NELL1: variants seen among roughly 807,000 people sequenced by gnomAD.
The protein encoded by NELL1 is neural EGFL like 1.
NELL1 carries 76 observed loss-of-function variants against 107.4 expected under a neutral mutation model. That is an observed-to-expected ratio of 0.71 (90% CI 0.59 to 0.86). NELL1 has a LOEUF of 0.86. Among genes scored for constraint, NELL1 ranks in the 40% least tolerant of loss-of-function variants. The pLI is 0.00. For missense variants in NELL1, 1,024 were observed against 1,005.5 expected, an observed-to-expected ratio of 1.02 and a Z score of -0.25; for synonymous variants, 353 against 341.2, an observed-to-expected ratio of 1.03 and a Z score of -0.38.
chr11:21,537,110 A>T (rs538509159), intron 16 of NELL1, among the ~76,000 whole-genome samples: 31 of 152,268 alleles, frequency 2.0e-4, no homozygotes, highest in African/African-American at 7.5e-4. Flanking sequence ...TTGGGAAAAC[A>T]TTTGTAAATG....
intron 12 of NELL1, among the ~76,000 whole-genome samples, chr11:20,967,030 CTGTTTTGTTTT>C (rs1319246615): frequency 2.6e-5 from 4 of 152,104 alleles, no homozygotes; most frequent in Non-Finnish European, 5.9e-5. Flanking sequence ...TCAAATAGCA[CTGTTTTGTTTT>C]TGTTTTGTTT....
intron 13 of NELL1, among the ~76,000 whole-genome samples, chr11:21,116,092 A>G (rs11025925): frequency 0.02 from 3,025 of 151,930 alleles, 82 homozygotes; most frequent in South Asian, 0.12. Context: ...TTCCATACTC[A>G]CCATTCTGCA....
intron 2 of NELL1, 137 bp from the exon 3 acceptor site, chr11:20,783,543 A>C: frequency 1.7e-6 from 1 of 598,080 alleles, no homozygotes; most frequent in Non-Finnish European, 2.8e-6. Context: ...TTCTTTGGAC[A>C]TGACATTTTT....
intron 1 of NELL1, chr11:20,674,659 G>A: frequency 5.2e-6 from 4 of 768,368 alleles, no homozygotes; most frequent in Non-Finnish European, 8.8e-6. Flanking sequence ...GTTAGTAGAG[G>A]GAAGAGACTG....
At chr11:21,328,435 A>C (rs952984011) in intron 14 of NELL1, among the ~76,000 whole-genome samples, 32 of 152,290 alleles carry the variant, frequency 2.1e-4, no homozygotes, top group African/African-American at 7.5e-4. Flanking sequence ...AAACACCTGG[A>C]TGTCCAGGCA....
In NELL1 at chr11:20,703,370, G is replaced by A. The variant is rs568169827; in HGVS notation, c.184+25310G>A. On this transcript the variant is annotated intron_variant, in intron 2 of 19. Coordinates refer to ENST00000357134, the MANE Select transcript of NELL1 (RefSeq NM_006157.5). ...TATCCCCTTTATCATTTTTTATTGC[G>A]TCTATTTGATTCTTCTCTCTTTTCT... Among the ~76,000 whole-genome samples the A allele has an allele frequency of 1.2e-3, 181 of 151,962 alleles. 3 individuals are homozygous for A. The highest frequency in any genetic ancestry group is 3.9e-3 in the African/African-American group (161 of 41,456).
intron 2 of NELL1, among the ~76,000 whole-genome samples, chr11:20,726,612 T>G (rs1272187682): frequency 2.0e-5 from 3 of 152,216 alleles, no homozygotes; most frequent in African/African-American, 7.2e-5. Flanking sequence ...TTTTTTAAAT[T>G]ATACTTTAAG....
chr11:21,469,428 G>T (rs939072887), intron 15 of NELL1, among the ~76,000 whole-genome samples: 2 of 152,014 alleles, frequency 1.3e-5, no homozygotes, highest in African/African-American at 4.8e-5. Flanking sequence ...GTGGAAAATT[G>T]CTCTTGGGTT....
At chr11:21,350,226 A>C (rs1246781065) in intron 14 of NELL1, among the ~76,000 whole-genome samples, 2 of 152,152 alleles carry the variant, frequency 1.3e-5, no homozygotes, top group Non-Finnish European at 2.9e-5. Context: ...ATTCTTGGGT[A>C]TAACTATTGG....
chr11:21,414,000 A>G (rs1427389078), intron 15 of NELL1, among the ~76,000 whole-genome samples: 2 of 152,098 alleles, frequency 1.3e-5, no homozygotes, highest in Non-Finnish European at 1.5e-5. Flanking sequence ...ACAGCCCTGC[A>G]TTTAATGACA....
At chr11:21,131,665 C>A (rs1445321251) in intron 13 of NELL1, among the ~76,000 whole-genome samples, 1 of 152,066 alleles carries the variant, frequency 6.6e-6, no homozygotes, top group Non-Finnish European at 1.5e-5. Flanking sequence ...AAATATACAT[C>A]TATAATCATT....
intron 2 of NELL1, among the ~76,000 whole-genome samples, chr11:20,762,916 C>A (rs1026025677): frequency 1.3e-5 from 2 of 151,906 alleles, no homozygotes; most frequent in African/African-American, 4.8e-5. Context: ...GACAGCAGCA[C>A]GGGGTTGAAG....
At chr11:21,024,892 T>C (rs1261161311) in intron 12 of NELL1, among the ~76,000 whole-genome samples, 1 of 152,108 alleles carries the variant, frequency 6.6e-6, no homozygotes, top group Non-Finnish European at 1.5e-5. Flanking sequence ...CCTCTGTCCG[T>C]TTCAACTCCC....
chr11:21,284,460 C>A (rs542378689), intron 14 of NELL1: 1 of 458,534 alleles, frequency 2.2e-6, no homozygotes, highest in South Asian at 1.5e-5. Flanking sequence ...GTCAACATCA[C>A]GAAACTGGGA....
At chr11:21,532,267 A>G (rs1040045125) in intron 15 of NELL1, among the ~76,000 whole-genome samples, 4 of 151,840 alleles carry the variant, frequency 2.6e-5, no homozygotes, top group African/African-American at 9.7e-5. Context: ...CTTTTGAAAG[A>G]CTCCTGTGCT....
rs1363392974 is a variant in NELL1 at position 20,847,749 on chromosome 11, A to G, written c.502A>G (p.Asn168Asp). 3.0e-5 allele frequency: 48 copies of G among 1,609,430 alleles called. No individual in the cohort carries two copies. The highest frequency in any genetic ancestry group is 4.0e-5 in the Non-Finnish European group (47 of 1,177,892). ...ASHLLLHVDC[N>D]RIYERVIDPP... ...TCATCTCCTGCTCCATGTCGACTGT[A>G]ACAGGTATTTCTTTGTCTTTGAGTG... The change falls in exon 4 of 20, where the codon AAC becomes GAC. Residue 168 changes from asparagine to aspartate, a missense_variant. Coordinates refer to ENST00000357134, the MANE Select transcript of NELL1 (RefSeq NM_006157.5).
At chr11:21,015,854 A>G (rs1852552377) in intron 12 of NELL1, among the ~76,000 whole-genome samples, 1 of 152,042 alleles carries the variant, frequency 6.6e-6, no homozygotes, top group Non-Finnish European at 1.5e-5. Flanking sequence ...CCATTCCCAC[A>G]AGCCTCCTGC....
At chr11:21,101,345 T>C (rs533668245) in intron 12 of NELL1, among the ~76,000 whole-genome samples, 2 of 152,332 alleles carry the variant, frequency 1.3e-5, no homozygotes, top group African/African-American at 4.8e-5. Context: ...ATCCTTTGGG[T>C]ATATACCCAG....
intron 15 of NELL1, among the ~76,000 whole-genome samples, chr11:21,415,034 C>T (rs1052999648): frequency 6.6e-6 from 1 of 152,048 alleles, no homozygotes; most frequent in Non-Finnish European, 1.5e-5. Context: ...CCTGAGGCAC[C>T]TCTTGAATTA....
Sources: gnomAD v4.1 joint callset for allele counts (sites outside exome capture counted in the v4.1 genomes callset) on GRCh38, gnomAD v4.1.1 for gene constraint, MANE v1.5 for transcripts, NCBI Gene and HGNC (gene_info 2026-07-23, HGNC 2026-07-21) for gene names.